The following ZNF518A variants were observed in gnomAD, a reference collection of about 807,000 sequenced individuals.
The protein encoded by ZNF518A is zinc finger protein 518.
ZNF518A carries 47 observed loss-of-function variants against 102.7 expected under a neutral mutation model. The observed-to-expected ratio is 0.46, with a 90% CI of 0.36 to 0.58. The LOEUF is 0.58. Ranked by LOEUF, ZNF518A falls within the 20% of genes least tolerant of loss-of-function variation. The probability of loss-of-function intolerance (pLI) is 0.00; values close to 1 mark genes in which losing one functional copy is unlikely to be tolerated. For missense variants in ZNF518A, 1,793 were observed against 1,699.8 expected, an observed-to-expected ratio of 1.05 and a Z score of -0.96; for synonymous variants, 652 against 594.6, an observed-to-expected ratio of 1.10 and a Z score of -1.40.
intron 1 of ZNF518A, among the ~76,000 whole-genome samples, chr10:96,179,768 CTTCTTCTTCCTT>C (rs1159384950): frequency 1.3e-5 from 2 of 151,848 alleles, no homozygotes; most frequent in Non-Finnish European, 2.9e-5. Context: ...TCTTCTTCTT[CTTCTTCTTCCTT>C]TTCTTCTTCC....
downstream of ZNF518A, chr10:96,205,235 G>A (rs1444629518): frequency 6.4e-6 from 1 of 156,100 alleles, no homozygotes; most frequent in East Asian, 1.9e-4. Context: ...TTATGTTGAA[G>A]CCCATAGTGA....
rs587606612 is a variant in ZNF518A at position 96,181,082 on chromosome 10, T to A, written n.36-22492T>A. On this transcript the variant is annotated intron_variant and non_coding_transcript_variant, in intron 1 of 2. Transcript: ENST00000442635. ...TCTCATTGTGGTTTTGATTTGCATT[T>A]CTCTGATGGCCAGTGATGATGAGCA... Among the ~76,000 whole-genome samples, 251 of 152,366 alleles carry A rather than the reference T, an allele frequency of 1.6e-3. 3 individuals are homozygous for A. The highest frequency in any genetic ancestry group is 5.7e-3 in the African/African-American group (237 of 41,580).
intron 1 of ZNF518A, among the ~76,000 whole-genome samples, chr10:96,180,597 A>G (rs1476095786): frequency 1.3e-5 from 2 of 150,264 alleles, no homozygotes; most frequent in African/African-American, 2.5e-5. Context: ...ATGCGGTGTT[A>G]GGTTTTCTGT....
intron 3 of ZNF518A, among the ~76,000 whole-genome samples, chr10:96,139,950 C>T (rs782401426): frequency 3.3e-5 from 5 of 150,562 alleles, no homozygotes; most frequent in Admixed American, 1.3e-4. Flanking sequence ...CCTCCACCTC[C>T]CGGGTTCAAG....
exon 2 of ZNF518A, chr10:96,203,618 T>G (rs76203051): frequency 0.026 from 4,018 of 153,112 alleles, 82 homozygotes; most frequent in African/African-American, 0.046. Context: ...TTGCCGTATC[T>G]TCTTTTTAAG....
chr10:96,158,792 G>C lies in ZNF518A; in HGVS notation c.2470G>C (p.Gly824Arg), dbSNP rs782581585. 6.2e-7 allele frequency: 1 copy of C among 1,613,636 alleles called. No homozygotes were observed. The highest frequency in any genetic ancestry group is 1.1e-5 in the South Asian group (1 of 91,032). ...GTCATTTCAAAAACACGAGAGAGAA[G>C]GCAAAATTGTTGAATCTTCGAAAGA... The part of the protein sequence containing the change: ...DQSFQKHERE[G>R]KIVESSKDFK... The change falls in exon 6 of 6, where the codon GGC becomes CGC. Residue 824 changes from glycine (G) to arginine (R), a missense_variant. Gly to Arg is a moderately radical substitution (Grantham distance 125). Coordinates refer to ENST00000316045, the MANE Select transcript of ZNF518A (RefSeq NM_001330736.2).
At chr10:96,179,268 T>C (rs1326920237) in intron 1 of ZNF518A, among the ~76,000 whole-genome samples, 1 of 152,204 alleles carries the variant, frequency 6.6e-6, no homozygotes, top group Non-Finnish European at 1.5e-5. Context: ...AAGGGACTTA[T>C]GTCTAGAAAA....
intron 1 of ZNF518A, among the ~76,000 whole-genome samples, chr10:96,187,610 T>C (rs1297948659): frequency 6.6e-6 from 1 of 152,220 alleles, no homozygotes; most frequent in Non-Finnish European, 1.5e-5. Context: ...AGCTTTTTCA[T>C]GTCTATTGTC....
chr10:96,133,563 C>G lies in ZNF518A; in HGVS notation c.-367-20C>G, dbSNP rs1554873107. 1 of 152,140 alleles carries G rather than the reference C, an allele frequency of 6.6e-6. No individual in the cohort carries two copies. Among genetic ancestry groups the G allele is most frequent in the African/African-American group, 2.4e-5 (1 of 41,426 alleles). 9.4% of individuals were successfully genotyped at this position (152,140 alleles called of 1,614,324 possible). A position where few individuals can be genotyped will look rare whatever the true frequency, so the allele number is the denominator to read the frequency against. On this transcript the variant is annotated intron_variant, in intron 2 of 5. Coordinates refer to ENST00000316045, the MANE Select transcript of ZNF518A (RefSeq NM_001330736.2). ...TCTACCCTCAAAACACAGATGTCTC[C>G]TACTCTTTGTGTTGGATAGGTCCTG...
At chr10:96,198,732 C>G (rs1227292196) in intron 1 of ZNF518A, among the ~76,000 whole-genome samples, 1 of 152,210 alleles carries the variant, frequency 6.6e-6, no homozygotes, top group Non-Finnish European at 1.5e-5. Flanking sequence ...CAGTCTCACT[C>G]TTGTTGCCCA....
intron 1 of ZNF518A, among the ~76,000 whole-genome samples, chr10:96,197,854 T>G (rs2133935561): frequency 6.7e-6 from 1 of 150,356 alleles, no homozygotes; most frequent in Admixed American, 6.7e-5. Context: ...AGACGGAGTT[T>G]GCAGTGAGCC....
rs782438651 is a variant in ZNF518A at position 96,158,213 on chromosome 10, T to C, written c.1891T>C (p.Ser631Pro). Residue 631 changes from serine (S) to proline (P), a missense_variant, in exon 6 of 6, where the codon TCC becomes CCC. By Grantham distance (74) the Ser-to-Pro change is moderately conservative. Coordinates refer to ENST00000316045, the MANE Select transcript of ZNF518A (RefSeq NM_001330736.2). ...NYGNCELPVE[S>P]SNQGSLPFHN... ...TGGCAACTGTGAGTTACCTGTTGAA[T>C]CCTCCAACCAAGGATCATTACCTTT... The C allele has an allele frequency of 6.2e-7, 1 of 1,613,688 alleles. No homozygotes were observed. The highest frequency in any genetic ancestry group is 8.5e-7 in the Non-Finnish European group (1 of 1,179,732).
At chr10:96,150,743 CTTTTTTTTTT>C (rs10675397) in intron 3 of ZNF518A, among the ~76,000 whole-genome samples, 2 of 30,294 alleles carry the variant, frequency 6.6e-5, no homozygotes, top group Non-Finnish European at 1.1e-4. Flanking sequence ...TCTTTCTTTC[CTTTTTTTTTT>C]TTTTTTTTTT....
At chr10:96,137,218 C>A (rs1250048899) in intron 3 of ZNF518A, among the ~76,000 whole-genome samples, 2 of 151,404 alleles carry the variant, frequency 1.3e-5, no homozygotes, top group African/African-American at 4.8e-5. Context: ...TCCGTTCTAA[C>A]CTGAAGGACT....
chr10:96,179,485 G>A (rs1478235114), intron 1 of ZNF518A, among the ~76,000 whole-genome samples: 2 of 152,258 alleles, frequency 1.3e-5, no homozygotes, highest in East Asian at 1.9e-4. Flanking sequence ...GTACTGATTA[G>A]GGTGTGAAGC....
chr10:96,150,108 A>G (rs1179300827), intron 3 of ZNF518A, among the ~76,000 whole-genome samples: 1 of 151,058 alleles, frequency 6.6e-6, no homozygotes, highest in East Asian at 1.9e-4. Flanking sequence ...GCAGATCACG[A>G]GGTCAGGAGA....
At chr10:96,151,763 A>T (rs782548736) in intron 3 of ZNF518A, among the ~76,000 whole-genome samples, 2 of 152,070 alleles carry the variant, frequency 1.3e-5, no homozygotes, top group African/African-American at 4.8e-5. Flanking sequence ...ACCTTGCCAT[A>T]TGTATATGGA....
Position 96,159,803 on chromosome 10 carries a change from T to A in ZNF518A, c.3481T>A (p.Ser1161Thr). The A allele has an allele frequency of 6.2e-7, 1 of 1,613,636 alleles. No individual in the cohort carries two copies. The highest frequency in any genetic ancestry group is 1.1e-5 in the South Asian group (1 of 91,082). Residue 1161 changes from serine to threonine, a missense_variant, in exon 6 of 6, where the codon TCA (serine) becomes ACA (threonine). Transcript: ENST00000316045. ...VLNVTAANNL[S>T]VSNSASSLQK... The stretch of plus-strand genomic sequence containing the variant: ...AAATGTGACTGCTGCTAATAATCTG[T>A]CAGTAAGCAACTCTGCATCCTCATT...
intron 1 of ZNF518A, chr10:96,191,790 A>G: frequency 1.4e-6 from 1 of 705,536 alleles, no homozygotes; most frequent in Admixed American, 2.5e-5. Context: ...AGGTCAGGCA[A>G]TAGAACAAGT....
Sources: gnomAD v4.1 joint callset for allele counts (sites outside exome capture counted in the v4.1 genomes callset) on GRCh38, gnomAD v4.1.1 for gene constraint, MANE v1.5 for transcripts, NCBI Gene and HGNC (gene_info 2026-07-23, HGNC 2026-07-21) for gene names.